FSTL5: variants seen among roughly 807,000 people sequenced by gnomAD.
The protein encoded by FSTL5 is follistatin like 5.
Under a neutral mutation model 89.1 loss-of-function variants are expected in FSTL5, and 62 were observed. The observed-to-expected ratio is 0.70, with a 90% CI of 0.57 to 0.86. The LOEUF (loss-of-function observed/expected upper bound fraction) is 0.86. Among genes scored for constraint, FSTL5 ranks in the 40% least tolerant of loss-of-function variants. The pLI is 0.00. For missense variants in FSTL5, 1,057 were observed against 1,001.6 expected (o/e 1.06, Z -0.75); for synonymous variants, 383 against 346.2 (o/e 1.11, Z -1.18).
chr4:161,957,631 C>T (rs767450917), intron 3 of FSTL5, among the ~76,000 whole-genome samples: 3 of 152,042 alleles, frequency 2.0e-5, no homozygotes, highest in Non-Finnish European at 2.9e-5. Context: ...CCATCCTAGA[C>T]CAGCCAGACC....
At chr4:161,477,664 T>A (rs2126447478) in intron 13 of FSTL5, among the ~76,000 whole-genome samples, 1 of 151,830 alleles carries the variant, frequency 6.6e-6, no homozygotes, top group Non-Finnish European at 1.5e-5. Context: ...TTAATCATCC[T>A]CCTCTTTTAT....
chr4:161,469,890 C>A (rs1347979295), intron 13 of FSTL5, among the ~76,000 whole-genome samples: 4 of 152,034 alleles, frequency 2.6e-5, no homozygotes, highest in Non-Finnish European at 4.4e-5. Flanking sequence ...GATCCACCCG[C>A]CTCAGCCTCC....
intron 4 of FSTL5, among the ~76,000 whole-genome samples, chr4:161,796,949 C>A (rs1729649679): frequency 6.6e-6 from 1 of 151,556 alleles, no homozygotes; most frequent in Non-Finnish European, 1.5e-5. Context: ...TCCATCCATA[C>A]TGCTACTAAA....
chr4:161,402,373 A>G (rs1731212660), intron 15 of FSTL5, among the ~76,000 whole-genome samples: 1 of 152,224 alleles, frequency 6.6e-6, no homozygotes, highest in East Asian at 1.9e-4. Context: ...GGATCTACAT[A>G]GCTGAGCTCT....
intron 1 of FSTL5, among the ~76,000 whole-genome samples, chr4:162,139,534 A>C (rs1044978037): frequency 2.0e-5 from 3 of 152,064 alleles, no homozygotes; most frequent in Non-Finnish European, 4.4e-5. Context: ...CAGCATACAT[A>C]AAATTTTACC....
At chr4:161,886,731 G>A (rs1255947199) in intron 4 of FSTL5, among the ~76,000 whole-genome samples, 1 of 152,070 alleles carries the variant, frequency 6.6e-6, no homozygotes, top group Admixed American at 6.6e-5. Flanking sequence ...TACTCTGAAA[G>A]GTCCACCAGG....
chr4:162,151,240 T>G (rs1012977529), intron 1 of FSTL5, among the ~76,000 whole-genome samples: 1 of 152,188 alleles, frequency 6.6e-6, no homozygotes, highest in African/African-American at 2.4e-5. Flanking sequence ...GTTTTATATT[T>G]TGAGCAGAAT....
chr4:161,463,978 A>C (rs1733663969), intron 13 of FSTL5, among the ~76,000 whole-genome samples: 1 of 152,076 alleles, frequency 6.6e-6, no homozygotes, highest in African/African-American at 2.4e-5. Context: ...CTTTCTCATA[A>C]ATTTGTCTGA....
At chr4:161,954,578 CTGTA>C (rs1210033868) in intron 3 of FSTL5, among the ~76,000 whole-genome samples, 1 of 151,550 alleles carries the variant, frequency 6.6e-6, no homozygotes, top group African/African-American at 2.4e-5. Context: ...GTATGTATGT[CTGTA>C]TGTATGTATT....
intron 4 of FSTL5, among the ~76,000 whole-genome samples, chr4:161,860,913 T>TCA (rs539227597): frequency 1.7e-3 from 261 of 151,130 alleles, no homozygotes; most frequent in African/African-American, 6.1e-3. Context: ...CCTCTCTCTC[T>TCA]CACACACACA....
chr4:161,779,334 T>C (rs1021971618), intron 4 of FSTL5, among the ~76,000 whole-genome samples: 1 of 152,192 alleles, frequency 6.6e-6, no homozygotes, highest in African/African-American at 2.4e-5. Flanking sequence ...TGTATGCAAT[T>C]ATATAATTTT....
At chr4:162,043,503 T>C (rs369148460) in intron 2 of FSTL5, among the ~76,000 whole-genome samples, 14 of 152,292 alleles carry the variant, frequency 9.2e-5, no homozygotes, top group African/African-American at 3.4e-4. Context: ...TGGAAGGTCT[T>C]GCTTCAGTGT....
chr4:161,514,698 C>A (rs1730757250), intron 10 of FSTL5, among the ~76,000 whole-genome samples: 1 of 151,852 alleles, frequency 6.6e-6, no homozygotes, highest in African/African-American at 2.4e-5. Context: ...ATGGGTTGAT[C>A]AATTCATTAA....
In FSTL5 at chr4:161,831,322, A is replaced by T. The variant is rs182407613; in HGVS notation, c.410-55248T>A. On this transcript the variant is annotated intron_variant, in intron 4 of 15. Coordinates refer to ENST00000306100, the MANE Select transcript of FSTL5 (RefSeq NM_020116.5). ...TATAAAATTTTCTTTGGATATTTAA[A>T]TTTTAATTTGTTTCTCATATGAAAC... is the stretch of plus-strand genomic sequence containing the variant. Among the ~76,000 whole-genome samples, 607 of 152,050 alleles carry T rather than the reference A, an allele frequency of 4.0e-3. 7 individuals carry two copies. The highest frequency in any genetic ancestry group is 0.027 in the Middle Eastern group (8 of 294).
intron 8 of FSTL5, among the ~76,000 whole-genome samples, chr4:161,559,258 C>A (rs554638008): frequency 4.6e-5 from 7 of 151,820 alleles, no homozygotes; most frequent in East Asian, 2.0e-4. Flanking sequence ...CCTAATTAGA[C>A]TCCTCTTTCT....
chr4:161,400,564 C>A (rs1012470923), intron 15 of FSTL5, among the ~76,000 whole-genome samples: 1 of 151,758 alleles, frequency 6.6e-6, no homozygotes, highest in African/African-American at 2.4e-5. Context: ...AAACTTAATA[C>A]AAATATTTGT....
chr4:161,460,897 T>C (rs923795147), intron 13 of FSTL5, among the ~76,000 whole-genome samples: 1 of 151,314 alleles, frequency 6.6e-6, no homozygotes, highest in South Asian at 2.1e-4. Context: ...TTGACTGATA[T>C]TGAGTTTCCC....
chr4:162,132,939 T>C (rs1732362871), intron 1 of FSTL5, among the ~76,000 whole-genome samples: 1 of 152,166 alleles, frequency 6.6e-6, no homozygotes, highest in South Asian at 2.1e-4. Flanking sequence ...GTGGTAGTAA[T>C]GTAATTTTTT....
At chr4:161,942,559 T>C (rs925617856) in intron 3 of FSTL5, among the ~76,000 whole-genome samples, 18 of 152,030 alleles carry the variant, frequency 1.2e-4, no homozygotes. Flanking sequence ...TGATTGCTCC[T>C]GTTACATCTA....
Sources: gnomAD v4.1 joint callset for allele counts (sites outside exome capture counted in the v4.1 genomes callset) on GRCh38, gnomAD v4.1.1 for gene constraint, MANE v1.5 for transcripts, NCBI Gene and HGNC (gene_info 2026-07-23, HGNC 2026-07-21) for gene names.